AGAP1: variants seen among roughly 807,000 people sequenced by gnomAD.
AGAP1 encodes ArfGAP with GTPase domain, ankyrin repeat and PH domain 1.
A neutral mutation model predicts 105.3 loss-of-function variants in AGAP1; 29 were observed. That is an observed-to-expected ratio of 0.28 (90% CI 0.21 to 0.38). The LOEUF is 0.38. Among genes scored for constraint, AGAP1 ranks in the 10% least tolerant of loss-of-function variants. The pLI, the probability that AGAP1 is intolerant of heterozygous loss-of-function variation, is 1.00. For missense variants in AGAP1, 998 were observed against 1,165.1 expected, an observed-to-expected ratio of 0.86 and a Z score of 2.09; for synonymous variants, 509 against 485.9, an observed-to-expected ratio of 1.05 and a Z score of -0.63.
intron 11 of AGAP1, among the ~76,000 whole-genome samples, chr2:235,912,705 A>T (rs1400375355): frequency 6.6e-6 from 1 of 152,226 alleles, no homozygotes; most frequent in South Asian, 2.1e-4. Context: ...TTCTTGATAC[A>T]CATTTCCAAA....
intron 15 of AGAP1, among the ~76,000 whole-genome samples, chr2:236,041,216 C>G (rs577774329): frequency 6.6e-6 from 1 of 151,876 alleles, no homozygotes; most frequent in African/African-American, 2.4e-5. Flanking sequence ...TAAAAATTAA[C>G]TAGGCGTGGC....
chr2:236,063,169 C>T (rs1024563651), intron 16 of AGAP1, among the ~76,000 whole-genome samples: 8 of 152,190 alleles, frequency 5.3e-5, no homozygotes, highest in African/African-American at 1.7e-4. Flanking sequence ...TCTCAGCTCA[C>T]TGCAACCTCC....
chr2:235,833,623 C>T (rs1175876664), intron 9 of AGAP1, among the ~76,000 whole-genome samples: 2 of 151,822 alleles, frequency 1.3e-5, no homozygotes, highest in Admixed American at 1.3e-4. Flanking sequence ...CTTGACTTTT[C>T]GTTACAGTGA....
chr2:235,747,638 C>T lies in AGAP1; in HGVS notation c.539-2716C>T, dbSNP rs1410739025. 6.6e-6 allele frequency among the ~76,000 whole-genome samples: 1 copy of T among 152,242 alleles called. No homozygotes were observed. On this transcript the variant is annotated intron_variant, in intron 5 of 17. Coordinates refer to ENST00000304032, the MANE Select transcript of AGAP1 (RefSeq NM_001037131.3). The surrounding 1 kb of genome is among the most constrained non-coding windows in gnomAD (Gnocchi z 5.0). Reference sequence around the variant, plus strand: ...AGACTTCAGGGAGCACCCCAGAAAGCCTGATGGCAGGAAGCTGGCATGCAC... The same window carrying T: ...AGACTTCAGGGAGCACCCCAGAAAGTCTGATGGCAGGAAGCTGGCATGCAC...
rs1346357035 is a variant in AGAP1, at chr2:236,040,863, A to AG, written c.1891+26dup. 2 of 1,613,592 alleles carry AG rather than the reference A, an allele frequency of 1.2e-6. No homozygotes were observed. Among genetic ancestry groups the AG allele is most frequent in the South Asian group, 2.2e-5 (2 of 91,066 alleles). Reference sequence around the variant, plus strand: ...CAGAGTAAGTGTGTGCGGTGGTAGCAGGGGCTGGCGCTGTGTAGCTGGAGA... The same window carrying AG: ...CAGAGTAAGTGTGTGCGGTGGTAGCAGGGGGCTGGCGCTGTGTAGCTGGAGA... On this transcript the variant is annotated intron_variant, in intron 15 of 17. Coordinates refer to ENST00000304032, the MANE Select transcript of AGAP1 (RefSeq NM_001037131.3). This position sits in a 1 kb window ranked among gnomAD's most constrained non-coding sequence, Gnocchi z 5.6.
At position 235,789,792 on chromosome 2, in the gene AGAP1, C is replaced by T. The variant is rs369313660; in HGVS notation, c.674-7967C>T. The stretch of plus-strand genomic sequence containing the variant: ...GCATGGCATGTCCTAATGACTTACT[C>T]GAGCAGTTGAATCTTGGCCACAGCT... On this transcript the variant is annotated intron_variant, in intron 6 of 17. Coordinates refer to ENST00000304032, the MANE Select transcript of AGAP1 (RefSeq NM_001037131.3). The surrounding 1 kb of genome is among the most constrained non-coding windows in gnomAD (Gnocchi z 4.2). Among the ~76,000 whole-genome samples, 1 of 152,160 alleles carries T rather than the reference C, an allele frequency of 6.6e-6. No individual in the cohort carries two copies. Among genetic ancestry groups the T allele is most frequent in the Non-Finnish European group, 1.5e-5 (1 of 68,038 alleles).
intron 1 of AGAP1, among the ~76,000 whole-genome samples, chr2:235,529,488 A>T (rs1043380458): frequency 3.9e-5 from 6 of 152,124 alleles, no homozygotes; most frequent in African/African-American, 1.4e-4. Context: ...GGAGGTGCAG[A>T]TCTCTCAAGC....
At chr2:235,955,154 G>A (rs1296082966) in intron 12 of AGAP1, among the ~76,000 whole-genome samples, 1 of 152,182 alleles carries the variant, frequency 6.6e-6, no homozygotes, top group African/African-American at 2.4e-5. Context: ...AGGGTCACGT[G>A]GCCAGGTGGC....
intron 11 of AGAP1, among the ~76,000 whole-genome samples, chr2:235,912,567 G>A (rs777395499): frequency 5.3e-5 from 8 of 151,988 alleles, no homozygotes; most frequent in Non-Finnish European, 4.4e-5. Context: ...TTCTCTTCCC[G>A]TAACTTGCAT....
At chr2:235,849,622 G>A (rs1295726744) in intron 9 of AGAP1, among the ~76,000 whole-genome samples, 2 of 148,770 alleles carry the variant, frequency 1.3e-5, no homozygotes, top group Non-Finnish European at 3.0e-5. Context: ...CTGCAGCCAC[G>A]ACTTCTCCAT....
In AGAP1 at chr2:235,723,416, G is replaced by T. The variant is rs544671840; in HGVS notation, c.310+5772G>T. ...AAGCTAGGATGTCCAGTATTATGTG[G>T]ACATTAGATAGGAAATGTGGACCTG... On this transcript the variant is annotated intron_variant, in intron 3 of 17. Coordinates refer to ENST00000304032, the MANE Select transcript of AGAP1 (RefSeq NM_001037131.3). This position sits in a 1 kb window ranked among gnomAD's most constrained non-coding sequence, Gnocchi z 6.2. Among the ~76,000 whole-genome samples the T allele has an allele frequency of 1.3e-5, 2 of 152,312 alleles. No homozygotes were observed. Among genetic ancestry groups the T allele is most frequent in the African/African-American group, 4.8e-5 (2 of 41,556 alleles).
intron 1 of AGAP1, among the ~76,000 whole-genome samples, chr2:235,538,662 G>T (rs1943330985): frequency 6.6e-6 from 1 of 151,988 alleles, no homozygotes; most frequent in Non-Finnish European, 1.5e-5. Context: ...CTTTGGTTCA[G>T]GCTGAACCAT....
At chr2:235,523,774 AG>A (rs1319228786) in intron 1 of AGAP1, among the ~76,000 whole-genome samples, 2 of 152,090 alleles carry the variant, frequency 1.3e-5, no homozygotes, top group Non-Finnish European at 2.9e-5. Flanking sequence ...TGACCTGGCC[AG>A]GGTGTGGGAT....
rs1946967685 is a variant in AGAP1 at position 235,635,518 on chromosome 2, A to G, written c.164-73661A>G. Among the ~76,000 whole-genome samples, 1 of 152,166 alleles carries G rather than the reference A, an allele frequency of 6.6e-6. No individual in the cohort carries two copies. The highest frequency in any genetic ancestry group is 2.4e-5 in the African/African-American group (1 of 41,430). ...GTTCCATTGTTTGAGATGATTCAAC[A>G]TGATTTGGAAACCATGGGGTAAGTC... On this transcript the variant is annotated intron_variant, in intron 1 of 17. Coordinates refer to ENST00000304032, the MANE Select transcript of AGAP1 (RefSeq NM_001037131.3). The surrounding 1 kb of genome is among the most constrained non-coding windows in gnomAD (Gnocchi z 5.3).
In AGAP1 at chr2:235,754,108, C is replaced by G. The variant is rs1376630352; in HGVS notation, c.673+3620C>G. Among the ~76,000 whole-genome samples, 1 of 152,174 alleles carries G rather than the reference C, an allele frequency of 6.6e-6. No homozygotes were observed. The highest frequency in any genetic ancestry group is 1.5e-5 in the Non-Finnish European group (1 of 68,030). On this transcript the variant is annotated intron_variant, in intron 6 of 17. Transcript: ENST00000304032. The surrounding 1 kb of genome is among the most constrained non-coding windows in gnomAD (Gnocchi z 4.6). The stretch of plus-strand genomic sequence containing the variant: ...GGGACACAGCCTGGACTGGATCCCC[C>G]ATCTTGGGACCTGAGAGCCTCGACT...
rs891936064 is a variant in AGAP1 at position 236,016,402 on chromosome 2, T to G, written c.1646-20159T>G. Among the ~76,000 whole-genome samples, 12 of 87,680 alleles carry G rather than the reference T, an allele frequency of 1.4e-4. No homozygotes were observed. In the South Asian group the frequency reaches 1.7e-3, roughly 12 times the overall value. 57.5% of individuals were successfully genotyped at this position (87,680 alleles called of 152,430 possible). A position where few individuals can be genotyped will look rare whatever the true frequency, so the allele number is the denominator to read the frequency against. On this transcript the variant is annotated intron_variant, in intron 13 of 17. Transcript: ENST00000304032. ...TTTGCTTTTTTTTTTTTTTTTTTTG[T>G]ATGCATGTGGGTTTGTCGCAACAAA...
intron 3 of AGAP1, 59 bp downstream of exon 3, chr2:235,717,703 T>C: frequency 1.4e-6 from 2 of 1,411,092 alleles, no homozygotes; most frequent in Non-Finnish European, 2.0e-6. Context: ...AATTTTTCCT[T>C]AGCATATTAT....
chr2:235,663,635 C>A lies in AGAP1; in HGVS notation c.164-45544C>A, dbSNP rs1288518355. Among the ~76,000 whole-genome samples, 2 of 152,104 alleles carry A rather than the reference C, an allele frequency of 1.3e-5. No homozygotes were observed. The highest frequency in any genetic ancestry group is 1.9e-4 in the East Asian group (1 of 5,180). ...CATGTAAGTCATGGATTTTCTAAATCTTTGAGGTTAGTGGATCTAAAGAAA... is the reference window on the plus strand; with the variant it reads ...CATGTAAGTCATGGATTTTCTAAATATTTGAGGTTAGTGGATCTAAAGAAA... On this transcript the variant is annotated intron_variant, in intron 1 of 17. Transcript: ENST00000304032. This position sits in a 1 kb window ranked among gnomAD's most constrained non-coding sequence, Gnocchi z 5.4.
chr2:235,965,836 C>T lies in AGAP1; in HGVS notation c.1484-2626C>T, dbSNP rs952772636. Among the ~76,000 whole-genome samples, 27 of 152,086 alleles carry T rather than the reference C, an allele frequency of 1.8e-4. No individual in the cohort carries two copies. The highest frequency in any genetic ancestry group is 5.3e-4 in the African/African-American group (22 of 41,402). The stretch of plus-strand genomic sequence containing the variant: ...TTGGGACCTCTGAGGACAGAAGTGA[C>T]GCAGTGGAGAGGGAGGAATGAGTGG... On this transcript the variant is annotated intron_variant, in intron 12 of 17. Coordinates refer to ENST00000304032, the MANE Select transcript of AGAP1 (RefSeq NM_001037131.3). This position sits in a 1 kb window ranked among gnomAD's most constrained non-coding sequence, Gnocchi z 5.8.
Sources: gnomAD v4.1 joint callset for allele counts (sites outside exome capture counted in the v4.1 genomes callset) on GRCh38, gnomAD v4.1.1 for gene constraint, Gnocchi (gnomAD v3.1) non-coding constraint, MANE v1.5 for transcripts, NCBI Gene and HGNC (gene_info 2026-07-23, HGNC 2026-07-21) for gene names.